The following TFPI variants were observed in gnomAD, a reference collection of about 807,000 sequenced individuals.
The protein encoded by TFPI is anti-convertin.
Under a neutral mutation model 34.6 loss-of-function variants are expected in TFPI, and 15 were observed. The ratio of observed to expected loss-of-function variants is 0.43; its 90% CI spans 0.29 to 0.67. The LOEUF is 0.67. TFPI is among the 30% of genes least tolerant of loss of function. The pLI, the probability that TFPI is intolerant of heterozygous loss-of-function variation, is 0.15. For missense variants in TFPI, 301 were observed against 364.0 expected (o/e 0.83, Z 1.41); for synonymous variants, 105 against 120.1 (o/e 0.87, Z 0.82).
chr2:187,506,282 A>C (rs1686214031), intron 1 of TFPI, among the ~76,000 whole-genome samples: 1 of 151,978 alleles, frequency 6.6e-6, no homozygotes, highest in Admixed American at 6.6e-5. Context: ...ATAAGCCCAT[A>C]ATCCTGGCTT....
At chr2:187,546,052 T>C (rs1331565574) in intron 1 of TFPI, among the ~76,000 whole-genome samples, 2 of 152,042 alleles carry the variant, frequency 1.3e-5, no homozygotes, top group Admixed American at 6.5e-5. Context: ...AAATTTGCAA[T>C]TGAAATCTGA....
At chr2:187,475,934 C>A (rs1050986326) in intron 6 of TFPI, among the ~76,000 whole-genome samples, 2 of 152,158 alleles carry the variant, frequency 1.3e-5, no homozygotes. Flanking sequence ...CCATAGTCCA[C>A]AGTTACAAAC....
chr2:187,533,942 C>A (rs1361304128), intron 1 of TFPI, among the ~76,000 whole-genome samples: 1 of 151,890 alleles, frequency 6.6e-6, no homozygotes, highest in Non-Finnish European at 1.5e-5. Context: ...ATAGCTGAAT[C>A]AATCTAGTGG....
intron 6 of TFPI, among the ~76,000 whole-genome samples, chr2:187,479,259 T>G (rs1380663157): frequency 6.6e-6 from 1 of 151,880 alleles, no homozygotes; most frequent in Non-Finnish European, 1.5e-5. Flanking sequence ...TTTAGGCAAG[T>G]GGATGAAGCT....
intron 3 of TFPI, among the ~76,000 whole-genome samples, chr2:187,493,413 C>T (rs1013295819): frequency 1.3e-5 from 2 of 152,134 alleles, no homozygotes; most frequent in African/African-American, 4.8e-5. Context: ...AGCCTCCAGG[C>T]CTGTGATGGG....
At chr2:187,480,641 C>T (rs1692784581) in intron 6 of TFPI, among the ~76,000 whole-genome samples, 7 of 152,066 alleles carry the variant, frequency 4.6e-5, no homozygotes, top group Admixed American at 4.6e-4. Flanking sequence ...CAAAATTGCA[C>T]ACATTTAGGG....
At chr2:187,546,364 C>T (rs977382119) in intron 1 of TFPI, among the ~76,000 whole-genome samples, 2 of 150,224 alleles carry the variant, frequency 1.3e-5, no homozygotes, top group African/African-American at 2.4e-5. Flanking sequence ...TACTGATTTC[C>T]ATACTAACTA....
intron 6 of TFPI, among the ~76,000 whole-genome samples, chr2:187,478,066 G>A (rs1274115824): frequency 5.3e-5 from 8 of 152,124 alleles, no homozygotes; most frequent in African/African-American, 9.7e-5. Flanking sequence ...TCATAAAGCT[G>A]ATGTAGTTCC....
At chr2:187,485,625 A>G (rs920232336) in intron 4 of TFPI, among the ~76,000 whole-genome samples, 3 of 151,690 alleles carry the variant, frequency 2.0e-5, no homozygotes, top group African/African-American at 4.8e-5. Flanking sequence ...AAGGAAATAC[A>G]TGTTCAAGGA....
chr2:187,486,053 T>TTTTA (rs1693237988), intron 4 of TFPI, among the ~76,000 whole-genome samples: 1 of 151,706 alleles, frequency 6.6e-6, no homozygotes, highest in Non-Finnish European at 1.5e-5. Context: ...TGAAAAGTTA[T>TTTTA]TTTATTAAGT....
rs2105938937 is a variant in TFPI, at chr2:187,466,731, T to C, written c.*205A>G. On this transcript the variant is annotated 3_prime_UTR_variant, in exon 8 of 8. Transcript: ENST00000233156. ...AAATAAGTAATTTCCCAGTAGCCAG[T>C]TAATAAATTACAGACCTAGAATAAG... The C allele has an allele frequency of 3.4e-6, 1 of 297,690 alleles. No homozygotes were observed. The highest frequency in any genetic ancestry group is 2.2e-5 in the African/African-American group (1 of 44,846). The allele number at this position is 297,690 out of a possible 1,614,324, so 18.4% of individuals were successfully genotyped here.
intron 1 of TFPI, among the ~76,000 whole-genome samples, chr2:187,545,358 T>A (rs1312958495): frequency 1.3e-5 from 2 of 152,206 alleles, no homozygotes; most frequent in Non-Finnish European, 2.9e-5. Flanking sequence ...AAACTATTTA[T>A]TTAAATAATT....
At chr2:187,546,254 T>G (rs1193321588) in intron 1 of TFPI, among the ~76,000 whole-genome samples, 3 of 151,762 alleles carry the variant, frequency 2.0e-5, no homozygotes, top group African/African-American at 7.3e-5. Flanking sequence ...GGAATTATTT[T>G]GTCTGGACTT....
At chr2:187,470,920 A>C (rs8176627) in intron 6 of TFPI, among the ~76,000 whole-genome samples, 9,392 of 152,270 alleles carry the variant, frequency 0.062, 585 homozygotes, top group Admixed American at 0.2. Context: ...ATGCAATGTC[A>C]GTTGTTTATC....
chr2:187,479,543 G>A (rs1402388397), intron 6 of TFPI, among the ~76,000 whole-genome samples: 16 of 76,702 alleles, frequency 2.1e-4, no homozygotes, highest in Non-Finnish European at 3.4e-4. Flanking sequence ...GGGATATCAC[G>A]TTCATATATA....
rs530041290 is a variant in TFPI at position 187,478,570 on chromosome 2, A to G, written c.628+5554T>C. 2.1e-6 allele frequency: 3 copies of G among 1,399,354 alleles called. No homozygotes were observed. The African/African-American group carries it at 4.4e-5, about 20-fold the overall frequency. The allele number at this position is 1,399,354 out of a possible 1,614,324, so 86.7% of individuals were successfully genotyped here. A position where few individuals can be genotyped will look rare whatever the true frequency, so the allele number is the denominator to read the frequency against. On this transcript the variant is annotated intron_variant, in intron 6 of 7. Transcript: ENST00000233156. ...CATTTACAAGTGAGGTGCAGTGAGA[A>G]GACTATGTTTACTATGCATGTAAAT... is the stretch of plus-strand genomic sequence containing the variant.
At chr2:187,478,872 C>T in intron 6 of TFPI, 2 of 1,334,182 alleles carry the variant, frequency 1.5e-6, no homozygotes, top group Non-Finnish European at 2.1e-6. Flanking sequence ...GTGGTCAATG[C>T]TGAGGGTGGG....
intron 3 of TFPI, among the ~76,000 whole-genome samples, chr2:187,495,986 TAGTG>T (rs576206156): frequency 1.6e-3 from 242 of 152,188 alleles, no homozygotes; most frequent in South Asian, 7.5e-3. Context: ...TAATTTATCT[TAGTG>T]AGAAGATATA....
At chr2:187,470,721 A>G (rs571997237) in intron 6 of TFPI, among the ~76,000 whole-genome samples, 11 of 152,332 alleles carry the variant, frequency 7.2e-5, no homozygotes, top group African/African-American at 2.6e-4. Flanking sequence ...GAGAGCAAAC[A>G]GACAGTTGAC....
Sources: allele counts gnomAD v4.1 joint callset (sites outside exome capture counted in the v4.1 genomes callset), GRCh38; gene constraint gnomAD v4.1.1; transcripts MANE v1.5; gene names NCBI Gene and HGNC (gene_info 2026-07-23, HGNC 2026-07-21).